Variants in PCDH15 observed in about 807,000 individuals in gnomAD.
The protein encoded by PCDH15 is protocadherin-15.
PCDH15 carries 129 observed loss-of-function variants against 178.5 expected under a neutral mutation model. The observed-to-expected ratio is 0.72, with a 90% CI of 0.63 to 0.84. PCDH15 has a LOEUF of 0.84. Ranked by LOEUF, PCDH15 falls within the 40% of genes least tolerant of loss-of-function variation. The probability of loss-of-function intolerance (pLI) is 0.00; values close to 1 mark genes in which losing one functional copy is unlikely to be tolerated. For synonymous variants in PCDH15, 800 were observed against 732.0 expected, an observed-to-expected ratio of 1.09 and a Z score of -1.50; for missense variants, 2,230 against 2,099.9, an observed-to-expected ratio of 1.06 and a Z score of -1.21.
intron 3 of PCDH15, among the ~76,000 whole-genome samples, chr10:54,509,852 C>T (rs2081488754): frequency 6.6e-6 from 1 of 152,194 alleles, no homozygotes; most frequent in Non-Finnish European, 1.5e-5. Flanking sequence ...TATTCATCAA[C>T]AGCAGAGTCT....
Position 55,526,048 on chromosome 10 carries a change from C to T in PCDH15, c.-156+101577G>A, listed in dbSNP as rs1385848799. The stretch of plus-strand genomic sequence containing the variant: ...TGTATAGTTAACCTAATTTCATATG[C>T]AATTTGTTTAAAATTATTTCCTTCT... On this transcript the variant is annotated intron_variant, in intron 2 of 5. Transcript: ENST00000613346. Among the ~76,000 whole-genome samples, 6 of 151,924 alleles carry T rather than the reference C, an allele frequency of 3.9e-5. No individual in the cohort carries two copies. In the East Asian group the frequency reaches 9.7e-4, roughly 24 times the overall value.
chr10:55,351,318 G>GA (rs985262383), intron 2 of PCDH15, among the ~76,000 whole-genome samples: 6 of 151,292 alleles, frequency 4.0e-5, no homozygotes, highest in Admixed American at 6.6e-5. Flanking sequence ...TTCAGAGGAA[G>GA]AAAAAAAATA....
chr10:55,084,590 TA>T (rs1842119806), intron 2 of PCDH15, among the ~76,000 whole-genome samples: 1 of 151,752 alleles, frequency 6.6e-6, no homozygotes, highest in African/African-American at 2.4e-5. Context: ...CACATTAAGT[TA>T]AAAAGCTCCT....
intron 1 of PCDH15, among the ~76,000 whole-genome samples, chr10:54,702,195 C>A (rs1179673083): frequency 6.6e-6 from 1 of 151,978 alleles, no homozygotes; most frequent in Non-Finnish European, 1.5e-5. Flanking sequence ...AAAAGCTACT[C>A]CTGGATTACA....
chr10:55,021,806 A>C (rs2131955324), intron 2 of PCDH15, among the ~76,000 whole-genome samples: 1 of 152,274 alleles, frequency 6.6e-6, no homozygotes, highest in Non-Finnish European at 1.5e-5. Context: ...AGGCACATTA[A>C]GAAGTAATAA....
chr10:55,067,909 G>A (rs1013304521), intron 2 of PCDH15, among the ~76,000 whole-genome samples: 8 of 151,764 alleles, frequency 5.3e-5, no homozygotes, highest in Admixed American at 3.3e-4. Flanking sequence ...ATGTTTATTC[G>A]TGTCCTTTGC....
intron 13 of PCDH15, among the ~76,000 whole-genome samples, chr10:54,173,769 C>T (rs569447512): frequency 6.6e-6 from 1 of 152,082 alleles, no homozygotes; most frequent in Admixed American, 6.5e-5. Flanking sequence ...CCATTTGAGC[C>T]TATAATTAAG....
At chr10:54,493,057 C>T (rs2079755101) in intron 3 of PCDH15, among the ~76,000 whole-genome samples, 1 of 152,138 alleles carries the variant, frequency 6.6e-6, no homozygotes, top group African/African-American at 2.4e-5. Flanking sequence ...TATTCACTGT[C>T]ACTAGAACAG....
chr10:54,585,183 G>T (rs202108125), intron 2 of PCDH15, among the ~76,000 whole-genome samples: 1 of 6,738 alleles, frequency 1.5e-4, no homozygotes, highest in Admixed American at 1.5e-3. Context: ...TAAAGGTTTA[G>T]ATTAAATAAA....
chr10:55,580,360 A>ATTTTTTTTTTTTTTTTTT (rs71017103), intron 2 of PCDH15, among the ~76,000 whole-genome samples: 1 of 131,614 alleles, frequency 7.6e-6, no homozygotes, highest in East Asian at 2.3e-4. Context: ...TTATTTTTTT[A>ATTTTTTTTTTTTTTTTTT]TTTTTTTTTT....
intron 2 of PCDH15, among the ~76,000 whole-genome samples, chr10:55,075,283 G>A (rs1029528975): frequency 4.0e-5 from 6 of 151,710 alleles, no homozygotes; most frequent in Non-Finnish European, 8.8e-5. Context: ...TATCAATTGT[G>A]AGGCTCAATT....
At chr10:54,345,519 G>A (rs1311427564) in intron 6 of PCDH15, among the ~76,000 whole-genome samples, 3 of 152,006 alleles carry the variant, frequency 2.0e-5, no homozygotes, top group Non-Finnish European at 4.4e-5. Context: ...TGTGAGGCAA[G>A]GCTTCCAGCT....
chr10:54,159,253 CAT>C (rs1353122043), intron 13 of PCDH15, among the ~76,000 whole-genome samples: 1 of 152,034 alleles, frequency 6.6e-6, no homozygotes, highest in Non-Finnish European at 1.5e-5. Flanking sequence ...GGCAAAAAAA[CAT>C]GTCAAGTTAT....
chr10:55,543,722 C>A (rs987677932), intron 2 of PCDH15, among the ~76,000 whole-genome samples: 1 of 151,108 alleles, frequency 6.6e-6, no homozygotes, highest in Non-Finnish European at 1.5e-5. Context: ...ATATACTTCC[C>A]CAAATTACAA....
chr10:54,439,104 T>A (rs1422776433), intron 3 of PCDH15, among the ~76,000 whole-genome samples: 1 of 148,580 alleles, frequency 6.7e-6, no homozygotes, highest in Non-Finnish European at 1.5e-5. Context: ...CCATTCTATA[T>A]ATGTATAAAT....
intron 1 of PCDH15, among the ~76,000 whole-genome samples, chr10:55,182,973 G>A (rs1839692111): frequency 6.6e-6 from 1 of 151,952 alleles, no homozygotes; most frequent in East Asian, 1.9e-4. Context: ...AGCCCAGATA[G>A]AAACATGTAG....
intron 2 of PCDH15, among the ~76,000 whole-genome samples, chr10:54,564,748 A>T (rs980994887): frequency 6.6e-6 from 1 of 152,138 alleles, no homozygotes; most frequent in Non-Finnish European, 1.5e-5. Flanking sequence ...ATAAAATGGG[A>T]ATATAATTCT....
At chr10:53,889,595 G>C (rs763919605) in intron 26 of PCDH15, among the ~76,000 whole-genome samples, 1 of 151,936 alleles carries the variant, frequency 6.6e-6, no homozygotes, top group Non-Finnish European at 1.5e-5. Flanking sequence ...AGATACTGCT[G>C]AGGGGATATA....
At chr10:54,102,608 CA>C (rs1322854755) in intron 15 of PCDH15, among the ~76,000 whole-genome samples, 1 of 152,178 alleles carries the variant, frequency 6.6e-6, no homozygotes, top group Non-Finnish European at 1.5e-5. Flanking sequence ...GCAAACCATC[CA>C]GGGATGTGAT....
Sources: allele counts gnomAD v4.1 joint callset (sites outside exome capture counted in the v4.1 genomes callset), GRCh38; gene constraint gnomAD v4.1.1; transcripts MANE v1.5; gene names NCBI Gene and HGNC (gene_info 2026-07-23, HGNC 2026-07-21).